EDC3: variants seen among roughly 807,000 people sequenced by gnomAD.
EDC3 encodes the protein enhancer of mRNA decapping 3, also known as enhancer of mRNA-decapping protein 3.
A neutral mutation model predicts 41.8 loss-of-function variants in EDC3; 20 were observed. The observed-to-expected ratio is 0.48, with a 90% confidence interval of 0.34 to 0.70. The LOEUF (loss-of-function observed/expected upper bound fraction) is 0.70, where lower values mean the gene tolerates loss of function less well. EDC3 is among the 30% of genes least tolerant of loss of function. The probability of loss-of-function intolerance (pLI) is 0.01; values close to 1 mark genes in which losing one functional copy is unlikely to be tolerated. For synonymous variants in EDC3, 206 were observed against 243.2 expected (o/e 0.85, Z 1.42); for missense variants, 444 against 636.8 (o/e 0.70, Z 3.26).
At position 74,660,360 on chromosome 15, in the gene EDC3, A is replaced by G. The variant is rs1038318078; in HGVS notation, c.485-4292T>C. On this transcript the variant is annotated intron_variant, in intron 3 of 6. Coordinates refer to ENST00000315127, the MANE Select transcript of EDC3 (RefSeq NM_025083.5). ...TGGAGGTTGCAGTGAGCTGAGATCA[A>G]GATTGCGCCACTGCACTCCAGCCTT... Among the ~76,000 whole-genome samples the G allele has an allele frequency of 2.0e-5, 3 of 151,550 alleles. No individual in the cohort carries two copies. In the East Asian group the frequency reaches 5.8e-4, roughly 29 times the overall value.
intron 3 of EDC3, among the ~76,000 whole-genome samples, chr15:74,670,122 T>C (rs2141646801): frequency 6.7e-6 from 1 of 150,088 alleles, no homozygotes; most frequent in East Asian, 2.0e-4. Flanking sequence ...CCTCCTGAAG[T>C]AGTGAGATTA....
At chr15:74,661,197 A>G (rs1015871408) in intron 3 of EDC3, among the ~76,000 whole-genome samples, 5 of 152,238 alleles carry the variant, frequency 3.3e-5, no homozygotes, top group Non-Finnish European at 5.9e-5. Context: ...CACTTTCCCT[A>G]TTCCTCTTAC....
At chr15:74,642,226 A>T (rs1367326583) in intron 4 of EDC3, 1 of 152,234 alleles carries the variant, frequency 6.6e-6, no homozygotes, top group African/African-American at 2.4e-5. Context: ...GGTCTAACGT[A>T]TCAAATAAAC....
intron 3 of EDC3, among the ~76,000 whole-genome samples, chr15:74,658,096 G>C (rs1252508432): frequency 1.3e-5 from 2 of 152,146 alleles, no homozygotes; most frequent in Non-Finnish European, 2.9e-5. Flanking sequence ...CACCCCCAGA[G>C]AATCAAGCTC....
chr15:74,691,808 C>CCA (rs984536636), intron 1 of EDC3, among the ~76,000 whole-genome samples: 1 of 152,018 alleles, frequency 6.6e-6, no homozygotes, highest in Admixed American at 6.6e-5. Context: ...TTATCTACGG[C>CCA]TATTTTCTGG....
rs539658495 is a variant in EDC3, at chr15:74,682,108, T to C, written c.-18-6966A>G. Among the ~76,000 whole-genome samples, 313 of 152,282 alleles carry C rather than the reference T, an allele frequency of 2.1e-3. 1 individual carries two copies. The highest frequency in any genetic ancestry group is 2.5e-3 in the Non-Finnish European group (169 of 68,024). Reference sequence around the variant, plus strand: ...CACTCATACATTGCTAGTCCAAATATTGAATAGTACAGCTACTCTGGAAAA... The same window carrying C: ...CACTCATACATTGCTAGTCCAAATACTGAATAGTACAGCTACTCTGGAAAA... On this transcript the variant is annotated intron_variant, in intron 1 of 6. Transcript: ENST00000315127.
chr15:74,680,993 T>C (rs1250411954), intron 1 of EDC3, among the ~76,000 whole-genome samples: 1 of 152,030 alleles, frequency 6.6e-6, no homozygotes, highest in Non-Finnish European at 1.5e-5. Flanking sequence ...ATAACAGATA[T>C]AACATGTTCA....
At chr15:74,674,166 G>A (rs1468017408) in intron 2 of EDC3, among the ~76,000 whole-genome samples, 3 of 152,140 alleles carry the variant, frequency 2.0e-5, no homozygotes, top group African/African-American at 4.8e-5. Context: ...GTGCAGTGGT[G>A]CTATCATAGC....
chr15:74,682,599 C>CA (rs1392896761), intron 1 of EDC3, among the ~76,000 whole-genome samples: 1 of 113,110 alleles, frequency 8.8e-6, no homozygotes. Context: ...GCCTGGGCAA[C>CA]AGAGCAAGAC....
intron 1 of EDC3, among the ~76,000 whole-genome samples, chr15:74,690,455 G>C (rs1176955087): frequency 6.6e-6 from 1 of 152,158 alleles, no homozygotes; most frequent in East Asian, 1.9e-4. Flanking sequence ...TACAAATCTA[G>C]CTACCTCCAT....
At position 74,635,429 on chromosome 15, in the gene EDC3, T is replaced by C. The variant is rs752574425; in HGVS notation, c.1172A>G (p.Gln391Arg). ...CTCACCTTTGAGGCTAGACACTTGT[T>C]GGCCTTGGGTCTTGCTGAAGAGCGA... Reference protein sequence around the residue: ...ELSLFSKTQGQQVSSLKDLPT... With the variant: ...ELSLFSKTQGRQVSSLKDLPT... Residue 391 changes from glutamine to arginine, a missense_variant, in exon 6 of 7, where the codon CAA (glutamine) becomes CGA (arginine). Coordinates refer to ENST00000315127, the MANE Select transcript of EDC3 (RefSeq NM_025083.5). The C allele has an allele frequency of 1.9e-6, 3 of 1,614,244 alleles. No homozygotes were observed. The South Asian group carries it at 3.3e-5, about 18-fold the overall frequency.
At chr15:74,663,879 CGCCTTAATTCT>C (rs952546499) in intron 3 of EDC3, among the ~76,000 whole-genome samples, 16 of 152,264 alleles carry the variant, frequency 1.1e-4, no homozygotes, top group Admixed American at 3.3e-4. Flanking sequence ...CAGTGGGAGA[CGCCTTAATTCT>C]GCCTTAATGA....
At chr15:74,636,971 G>A (rs1324761150) in intron 5 of EDC3, 3 of 152,204 alleles carry the variant, frequency 2.0e-5, no homozygotes, top group African/African-American at 7.2e-5. Flanking sequence ...TATGGGCACT[G>A]GAAATGGACC....
chr15:74,658,694 A>G (rs554455512), intron 3 of EDC3, among the ~76,000 whole-genome samples: 18 of 149,190 alleles, frequency 1.2e-4, no homozygotes, highest in African/African-American at 4.4e-4. Context: ...TAATCCCAGC[A>G]CTTTGGGAGG....
chr15:74,665,543 CT>C (rs2062668160), intron 3 of EDC3, among the ~76,000 whole-genome samples: 1 of 152,162 alleles, frequency 6.6e-6, no homozygotes, highest in Non-Finnish European at 1.5e-5. Context: ...CTAAACAAGG[CT>C]TGGTTTCCCT....
rs1351683755 is a variant in EDC3 at position 74,631,522 on chromosome 15, C to T, written c.*1090G>A. ...AGACAGGGTGCTGGCCCCAAGCCTACTCATCTAGACTGGACAAATGTAAAA... is the reference window on the plus strand; with the variant it reads ...AGACAGGGTGCTGGCCCCAAGCCTATTCATCTAGACTGGACAAATGTAAAA... On this transcript the variant is annotated 3_prime_UTR_variant, in exon 7 of 7. Transcript: ENST00000315127. 1 of 152,400 alleles carries T rather than the reference C, an allele frequency of 6.6e-6. No homozygotes were observed. The highest frequency in any genetic ancestry group is 1.9e-4 in the East Asian group (1 of 5,188). 9.4% of individuals were successfully genotyped at this position (152,400 alleles called of 1,614,324 possible).
intron 4 of EDC3, among the ~76,000 whole-genome samples, chr15:74,646,757 T>C (rs1339817848): frequency 6.6e-6 from 1 of 152,064 alleles, no homozygotes; most frequent in Non-Finnish European, 1.5e-5. Context: ...CAGGATAAAG[T>C]TGACAGGGGT....
At chr15:74,651,892 A>G (rs540848633) in intron 4 of EDC3, among the ~76,000 whole-genome samples, 118 of 152,350 alleles carry the variant, frequency 7.7e-4, no homozygotes, top group African/African-American at 2.7e-3. Flanking sequence ...ATCATAGTTC[A>G]GCCTAGCCTA....
chr15:74,646,298 C>A (rs1004424618), intron 4 of EDC3, among the ~76,000 whole-genome samples: 1 of 152,112 alleles, frequency 6.6e-6, no homozygotes, highest in Non-Finnish European at 1.5e-5. Context: ...GGCTTGAACT[C>A]CTGACCCCAG....
Sources: allele counts gnomAD v4.1 joint callset (sites outside exome capture counted in the v4.1 genomes callset), GRCh38; gene constraint gnomAD v4.1.1; transcripts MANE v1.5; gene names NCBI Gene and HGNC (gene_info 2026-07-23, HGNC 2026-07-21).